Variants in GABRB2 observed in about 807,000 individuals in gnomAD.
The protein encoded by GABRB2 is gamma-aminobutyric acid type A receptor subunit beta2.
In GABRB2, 16 loss-of-function variants were observed where a neutral mutation model predicts 54.7. The observed-to-expected ratio is 0.29, with a 90% CI of 0.20 to 0.44. The LOEUF is 0.44. Among genes scored for constraint, GABRB2 ranks in the 20% least tolerant of loss-of-function variants. The probability of loss-of-function intolerance (pLI) is 1.00; values close to 1 mark genes in which losing one functional copy is unlikely to be tolerated. For synonymous variants in GABRB2, 244 were observed against 233.8 expected (o/e 1.04, Z -0.40); for missense variants, 355 against 644.0 (o/e 0.55, Z 4.86).
chr5:161,506,636 G>C (rs1482313430), intron 3 of GABRB2, among the ~76,000 whole-genome samples: 1 of 152,010 alleles, frequency 6.6e-6, no homozygotes, highest in African/African-American at 2.4e-5. Context: ...AGAAAGACTT[G>C]ATGACATGAA....
intron 3 of GABRB2, among the ~76,000 whole-genome samples, chr5:161,496,421 A>T (rs1411032897): frequency 6.6e-6 from 1 of 152,120 alleles, no homozygotes; most frequent in Non-Finnish European, 1.5e-5. Context: ...ATAATCAGCT[A>T]GTTATTTAAC....
intron 8 of GABRB2, 94 bp downstream of exon 8, chr5:161,330,789 G>T: frequency 6.5e-7 from 1 of 1,539,164 alleles, no homozygotes; most frequent in Non-Finnish European, 8.8e-7. Context: ...CCCTGGGCTT[G>T]GTTTCCTCAT....
At chr5:161,333,073 T>TA (rs1753899855) in intron 7 of GABRB2, among the ~76,000 whole-genome samples, 1 of 152,226 alleles carries the variant, frequency 6.6e-6, no homozygotes, top group East Asian at 1.9e-4. Flanking sequence ...AATCTCATTT[T>TA]AAAGTATTTC....
At chr5:161,373,377 C>T (rs1755187029) in intron 5 of GABRB2, among the ~76,000 whole-genome samples, 1 of 152,084 alleles carries the variant, frequency 6.6e-6, no homozygotes, top group African/African-American at 2.4e-5. Context: ...AAGAAGAAGA[C>T]TAAACAATAT....
intron 5 of GABRB2, among the ~76,000 whole-genome samples, chr5:161,337,693 GA>G (rs1754032737): frequency 6.6e-6 from 1 of 151,964 alleles, no homozygotes; most frequent in Non-Finnish European, 1.5e-5. Context: ...TAACAGCAAT[GA>G]ATAAGCACAT....
intron 9 of GABRB2, among the ~76,000 whole-genome samples, chr5:161,321,066 G>T (rs1758194008): frequency 6.6e-6 from 1 of 151,984 alleles, no homozygotes; most frequent in African/African-American, 2.4e-5. Context: ...TAAAGATTTT[G>T]ATCTATATTT....
chr5:161,393,299 T>TAAAAAAAAAAAAA lies in GABRB2; in HGVS notation c.541+17663_541+17675dup, dbSNP rs533308700. 5.0e-5 allele frequency among the ~76,000 whole-genome samples: 2 copies of TAAAAAAAAAAAAA among 40,326 alleles called. 1 individual carries two copies. Among genetic ancestry groups the TAAAAAAAAAAAAA allele is most frequent in the Non-Finnish European group, 9.2e-5 (2 of 21,638 alleles). 26.5% of individuals were successfully genotyped at this position (40,326 alleles called of 152,430 possible). A position where few individuals can be genotyped will look rare whatever the true frequency, so the allele number is the denominator to read the frequency against. Reference sequence around the variant, plus strand: ...TCCCTTTTATAACTCTTTAAAAATGTAAAAAAAAAAAAAAAAAAAAAAAAA... The same window carrying TAAAAAAAAAAAAA: ...TCCCTTTTATAACTCTTTAAAAATGTAAAAAAAAAAAAAAAAAAAAAAAAAAAAAAAAAAAAAA... On this transcript the variant is annotated intron_variant, in intron 5 of 9. Coordinates refer to ENST00000393959, the MANE Select transcript of GABRB2 (RefSeq NM_001371727.1).
intron 9 of GABRB2, among the ~76,000 whole-genome samples, chr5:161,319,988 A>G (rs189493541): frequency 6.6e-5 from 10 of 151,498 alleles, no homozygotes; most frequent in African/African-American, 2.4e-4. Flanking sequence ...TTTCCCCTTA[A>G]TGTTTAATTG....
chr5:161,458,644 G>A (rs574690887), intron 4 of GABRB2, among the ~76,000 whole-genome samples: 154 of 152,286 alleles, frequency 1.0e-3, no homozygotes, highest in Admixed American at 1.6e-3. Context: ...CATCTCCAGA[G>A]ATTACTTTCT....
intron 5 of GABRB2, among the ~76,000 whole-genome samples, chr5:161,396,181 GA>G (rs1755995811): frequency 6.6e-6 from 1 of 152,140 alleles, no homozygotes; most frequent in Non-Finnish European, 1.5e-5. Flanking sequence ...ACGAGGCCTA[GA>G]AAAATAACAG....
intron 9 of GABRB2, among the ~76,000 whole-genome samples, chr5:161,294,941 T>C (rs1430190064): frequency 6.6e-6 from 1 of 152,210 alleles, no homozygotes. Flanking sequence ...TTTTTTTGGA[T>C]ACAATTTCAT....
chr5:161,418,176 G>A (rs1404683946), intron 4 of GABRB2, among the ~76,000 whole-genome samples: 1 of 152,122 alleles, frequency 6.6e-6, no homozygotes, highest in East Asian at 1.9e-4. Flanking sequence ...AATCAAAGCA[G>A]CACTATGCAA....
chr5:161,299,269 T>C (rs1252912971), intron 9 of GABRB2, among the ~76,000 whole-genome samples: 1 of 152,224 alleles, frequency 6.6e-6, no homozygotes, highest in East Asian at 1.9e-4. Flanking sequence ...TCTCAGTTAC[T>C]ATGTCTCTGC....
At chr5:161,535,239 A>C (rs1760596601) in intron 3 of GABRB2, among the ~76,000 whole-genome samples, 1 of 152,188 alleles carries the variant, frequency 6.6e-6, no homozygotes, top group Non-Finnish European at 1.5e-5. Context: ...GTAATATAAA[A>C]TATAAGATTA....
intron 3 of GABRB2, among the ~76,000 whole-genome samples, chr5:161,516,413 G>T (rs1028447391): frequency 1.3e-5 from 2 of 152,076 alleles, no homozygotes; most frequent in Admixed American, 1.3e-4. Flanking sequence ...CTCAGGATGG[G>T]TGAATGAGTG....
At chr5:161,379,618 T>C (rs898499522) in intron 5 of GABRB2, among the ~76,000 whole-genome samples, 5 of 152,150 alleles carry the variant, frequency 3.3e-5, no homozygotes, top group Non-Finnish European at 7.4e-5. Flanking sequence ...TTCTGGATGA[T>C]GGAGTCCACA....
chr5:161,463,371 C>T (rs1473932635), intron 3 of GABRB2, among the ~76,000 whole-genome samples: 1 of 148,458 alleles, frequency 6.7e-6, no homozygotes, highest in African/African-American at 2.5e-5. Flanking sequence ...GTATAAAGAC[C>T]TCAATAAACA....
intron 3 of GABRB2, among the ~76,000 whole-genome samples, chr5:161,492,459 A>C (rs1286250699): frequency 6.6e-6 from 1 of 151,674 alleles, no homozygotes; most frequent in Non-Finnish European, 1.5e-5. Flanking sequence ...TTGAAACCCA[A>C]GGAAGACTGT....
chr5:161,294,715 G>A (rs1376047824), intron 9 of GABRB2, among the ~76,000 whole-genome samples: 1 of 152,066 alleles, frequency 6.6e-6, no homozygotes, highest in African/African-American at 2.4e-5. Context: ...TTCTACTTAG[G>A]GCACGCAGAG....
Sources: allele counts gnomAD v4.1 joint callset (sites outside exome capture counted in the v4.1 genomes callset), GRCh38; gene constraint gnomAD v4.1.1; transcripts MANE v1.5; gene names NCBI Gene and HGNC (gene_info 2026-07-23, HGNC 2026-07-21).